Variants in ZNF444 observed in about 807,000 individuals in gnomAD.
ZNF444 encodes zinc finger protein 444.
Under a neutral mutation model 14.4 loss-of-function variants are expected in ZNF444, and 8 were observed. The ratio of observed to expected loss-of-function variants is 0.56; its 90% CI spans 0.33 to 1.00. The LOEUF (loss-of-function observed/expected upper bound fraction) is 1.00, where lower values mean the gene tolerates loss of function less well. ZNF444 is among the 50% of genes least tolerant of loss of function. The pLI, the probability that ZNF444 is intolerant of heterozygous loss-of-function variation, is 0.03. For synonymous variants in ZNF444, 258 were observed against 235.9 expected, an observed-to-expected ratio of 1.09 and a Z score of -0.86; for missense variants, 510 against 504.8, an observed-to-expected ratio of 1.01 and a Z score of -0.10.
intron 3 of ZNF444, chr19:56,158,131 C>G: frequency 5.4e-6 from 1 of 184,724 alleles, no homozygotes; most frequent in East Asian, 1.3e-4. Context: ...CAAGTCACCC[C>G]ACACTCAGGG....
At chr19:56,141,179 G>A (rs985937706), upstream of ZNF444, 1 of 151,644 alleles carries the variant, frequency 6.6e-6, no homozygotes, top group Non-Finnish European at 1.5e-5. Context: ...TGTAGTTCGG[G>A]GTGAGGCCGG....
chr19:56,145,826 C>T lies in ZNF444; in HGVS notation c.-196-421C>T, dbSNP rs976847219. On this transcript the variant is annotated intron_variant, in intron 1 of 4. Transcript: ENST00000337080. The surrounding 1 kb of genome is among the most constrained non-coding windows in gnomAD (Gnocchi z 4.3). ...TGAGCTTATTTCTCAGTTCTGGGAG[C>T]GGGAAGCTCAGAATGCCATCATGGT... 3.9e-5 allele frequency among the ~76,000 whole-genome samples: 6 copies of T among 152,284 alleles called. No homozygotes were observed. In the East Asian group the frequency reaches 9.7e-4, roughly 25 times the overall value.
At chr19:56,143,340 T>C (rs1235049304) in intron 1 of ZNF444, 1 of 152,270 alleles carries the variant, frequency 6.6e-6, no homozygotes, top group Non-Finnish European at 1.5e-5. Context: ...CAGGGTCAGC[T>C]TGATGGCCTG....
intron 3 of ZNF444, 74 bp from the exon 4 acceptor site, chr19:56,158,420 G>A (rs1305277297): frequency 1.5e-6 from 2 of 1,375,660 alleles, no homozygotes; most frequent in Admixed American, 2.2e-5. Context: ...ACAGCTGGTC[G>A]ACGGTGGTTG....
chr19:56,151,750 C>T (rs2031588338), intron 3 of ZNF444: 1 of 442,452 alleles, frequency 2.3e-6, no homozygotes, highest in South Asian at 1.6e-5. Flanking sequence ...CAGCTGACAT[C>T]TGGGGGCATC....
At chr19:56,135,037 C>T (rs2030579498) in intron 1 of ZNF444, among the ~76,000 whole-genome samples, 1 of 152,060 alleles carries the variant, frequency 6.6e-6, no homozygotes, top group South Asian at 2.1e-4. Flanking sequence ...CGAGACCATC[C>T]TGGCTAACAC....
At chr19:56,139,348 C>T (rs555521249), upstream of ZNF444, among the ~76,000 whole-genome samples, 37 of 152,106 alleles carry the variant, frequency 2.4e-4, no homozygotes, top group South Asian at 5.0e-3. Context: ...ATTTTGAAGA[C>T]AGAGCCAATA....
At position 56,159,718 on chromosome 19, in the gene ZNF444, T is replaced by G; in HGVS notation, c.501T>G (p.Pro167=). The change falls in exon 5 of 5, where the codon CCT becomes CCG. Residue 167 remains proline, a synonymous_variant. Transcript: ENST00000337080. Reference sequence around the variant, plus strand: ...AGCCCAGCAGCCCCCCGCTGGCGCCTGGCCTGCCCGCCTTCCTAGCGGCCC... The same window carrying G: ...AGCCCAGCAGCCCCCCGCTGGCGCCGGGCCTGCCCGCCTTCCTAGCGGCCC... ...KQEPSSPPLA[P]GLPAFLAAPG... 1 of 1,563,372 alleles carries G rather than the reference T, an allele frequency of 6.4e-7. No homozygotes were observed. The highest frequency in any genetic ancestry group is 1.2e-5 in the South Asian group (1 of 85,784).
In ZNF444 at chr19:56,159,870, G is replaced by C; in HGVS notation, c.653G>C (p.Arg218Pro). Reference protein sequence around the residue: ...ACPECGKAFRRKEHLRRHRDT... With the variant: ...ACPECGKAFRPKEHLRRHRDT... ...CCTGAGTGCGGGAAGGCCTTTCGGCGCAAGGAGCACCTGCGGCGCCACCGC... is the reference window on the plus strand; with the variant it reads ...CCTGAGTGCGGGAAGGCCTTTCGGCCCAAGGAGCACCTGCGGCGCCACCGC... The change falls in exon 5 of 5, where the codon CGC becomes CCC. Residue 218 changes from arginine (R) to proline (P), a missense_variant. Physicochemically the swap from Arg to Pro is moderately radical, Grantham distance 103 (BLOSUM62 -2). Coordinates refer to ENST00000337080, the MANE Select transcript of ZNF444 (RefSeq NM_018337.4). The C allele has an allele frequency of 6.5e-7, 1 of 1,535,908 alleles. No individual in the cohort carries two copies. Among genetic ancestry groups the C allele is most frequent in the Non-Finnish European group, 8.7e-7 (1 of 1,146,956 alleles).
At position 56,147,077 on chromosome 19, in the gene ZNF444, A is replaced by G. The variant is rs1316169438; in HGVS notation, c.166A>G (p.Lys56Glu). Residue 56 changes from lysine to glutamate, a missense_variant, in exon 3 of 5, where the codon AAG becomes GAG. Lys to Glu is a moderately conservative substitution (Grantham distance 56). Transcript: ENST00000337080. This position sits in a 1 kb window ranked among gnomAD's most constrained non-coding sequence, Gnocchi z 5.9. Reference protein sequence around the residue: ...RDWLRPEVHTKEQMLELLVLE... With the variant: ...RDWLRPEVHTEEQMLELLVLE... ...CTGGCTGCGGCCCGAGGTGCACACC[A>G]AGGAGCAGATGTTGGAGCTGCTGGT... 3 of 1,587,198 alleles carry G rather than the reference A, an allele frequency of 1.9e-6. No homozygotes were observed.
At position 56,158,484 on chromosome 19, in the gene ZNF444, C is replaced by T; in HGVS notation, c.298-10C>T. The T allele has an allele frequency of 6.3e-7, 1 of 1,598,816 alleles. No individual in the cohort carries two copies. Among genetic ancestry groups the T allele is most frequent in the Non-Finnish European group, 8.5e-7 (1 of 1,173,970 alleles). ...AGGTTTCTGAGTTCAAAACTGTGCT[C>T]TCATTTCAGGGGCCAGCAGCCTCCC... On this transcript the variant is annotated splice_polypyrimidine_tract_variant and intron_variant, in intron 3 of 4. Transcript: ENST00000337080.
At position 56,154,089 on chromosome 19, in the gene ZNF444, G is replaced by A. The variant is rs954753836; in HGVS notation, c.298-4405G>A. On this transcript the variant is annotated intron_variant, in intron 3 of 4. Coordinates refer to ENST00000337080, the MANE Select transcript of ZNF444 (RefSeq NM_018337.4). Reference sequence around the variant, plus strand: ...AACCGTTGAGAACACCGTGTTCAACGTACACAATGCATTCGAAGTCCTAGA... The same window carrying A: ...AACCGTTGAGAACACCGTGTTCAACATACACAATGCATTCGAAGTCCTAGA... 4.6e-5 allele frequency among the ~76,000 whole-genome samples: 7 copies of A among 152,196 alleles called. No homozygotes were observed. In the East Asian group the frequency reaches 9.6e-4, roughly 21 times the overall value.
At chr19:56,136,081 C>CAAAAA (rs1199112916) in intron 1 of ZNF444, among the ~76,000 whole-genome samples, 2,087 of 56,834 alleles carry the variant, frequency 0.037, 150 homozygotes, top group East Asian at 0.087. Flanking sequence ...GATTCCGTCT[C>CAAAAA]AAAAAAAAAA....
rs140123769 is a variant in ZNF444 at position 56,134,752 on chromosome 19, G to T, written c.-197+1974G>T. Among the ~76,000 whole-genome samples, 321 of 151,886 alleles carry T rather than the reference G, an allele frequency of 2.1e-3. 1 individual carries two copies. The highest frequency in any genetic ancestry group is 7.3e-3 in the African/African-American group (304 of 41,394). ...CTGGTGTGCCAACATTGCACAGATC[G>T]TCAAGGTGATATTTATGTAAACAGG... On this transcript the variant is annotated intron_variant, in intron 1 of 2. Coordinates refer to the ZNF444 transcript ENST00000587467.
intron 1 of ZNF444, among the ~76,000 whole-genome samples, chr19:56,136,161 C>G (rs913540091): frequency 5.9e-5 from 9 of 151,830 alleles, no homozygotes; most frequent in Non-Finnish European, 1.2e-4. Flanking sequence ...CCACGCTCAC[C>G]CCCAATCCCA....
chr19:56,135,162 T>TGGA (rs2030582264), intron 1 of ZNF444, among the ~76,000 whole-genome samples: 1 of 151,218 alleles, frequency 6.6e-6, no homozygotes, highest in South Asian at 2.1e-4. Context: ...ACCCAGGAGG[T>TGGA]GGAGCTTGCT....
intron 1 of ZNF444, among the ~76,000 whole-genome samples, chr19:56,135,045 C>A (rs185652923): frequency 1.2e-3 from 188 of 152,128 alleles, no homozygotes; most frequent in African/African-American, 4.3e-3. Flanking sequence ...TCCTGGCTAA[C>A]ACGGTGAAAC....
chr19:56,134,729 G>T (rs2030572594), intron 1 of ZNF444, among the ~76,000 whole-genome samples: 1 of 151,920 alleles, frequency 6.6e-6, no homozygotes. Flanking sequence ...CCTAAACGCT[G>T]GTGTGCCAAC....
Position 56,144,799 on chromosome 19 carries a change from C to G in ZNF444, c.-196-1448C>G, listed in dbSNP as rs1171202744. Reference sequence around the variant, plus strand: ...ATGAAGAGACCCCAAGTACAGGGCTCCACATAGGACAGAACTGATTCTTTT... The same window carrying G: ...ATGAAGAGACCCCAAGTACAGGGCTGCACATAGGACAGAACTGATTCTTTT... On this transcript the variant is annotated intron_variant, in intron 1 of 4. Coordinates refer to ENST00000337080, the MANE Select transcript of ZNF444 (RefSeq NM_018337.4). The surrounding 1 kb of genome is among the most constrained non-coding windows in gnomAD (Gnocchi z 4.0). Among the ~76,000 whole-genome samples the G allele has an allele frequency of 1.3e-5, 2 of 152,202 alleles. No homozygotes were observed. Among genetic ancestry groups the G allele is most frequent in the African/African-American group, 4.8e-5 (2 of 41,450 alleles).
Sources: allele counts gnomAD v4.1 joint callset (sites outside exome capture counted in the v4.1 genomes callset), GRCh38; gene constraint gnomAD v4.1.1; non-coding constraint Gnocchi (gnomAD v3.1); transcripts MANE v1.5; gene names NCBI Gene and HGNC (gene_info 2026-07-23, HGNC 2026-07-21).